MTOR: variants seen among roughly 807,000 people sequenced by gnomAD.
MTOR encodes serine/threonine-protein kinase mTOR.
A neutral mutation model predicts 319.8 loss-of-function variants in MTOR; 70 were observed. The ratio of observed to expected loss-of-function variants is 0.22; its 90% CI spans 0.18 to 0.27. The LOEUF is 0.27. Ranked by LOEUF, MTOR falls within the 10% of genes least tolerant of loss-of-function variation. The probability of loss-of-function intolerance (pLI) is 1.00; values close to 1 mark genes in which losing one functional copy is unlikely to be tolerated. For missense variants in MTOR, 1,890 were observed against 3,274.4 expected, an observed-to-expected ratio of 0.58 and a Z score of 10.32; for synonymous variants, 1,183 against 1,211.4, an observed-to-expected ratio of 0.98 and a Z score of 0.49.
At chr1:11,231,532 C>T in intron 16 of MTOR, 98 bp from the exon 17 acceptor site, 2 of 1,440,852 alleles carry the variant, frequency 1.4e-6, no homozygotes, top group Admixed American at 2.3e-5. Flanking sequence ...GTGTTAGAGG[C>T]TGTAAGAAGA....
At chr1:11,202,863 G>A (rs767934698) in intron 26 of MTOR, among the ~76,000 whole-genome samples, 7 of 152,024 alleles carry the variant, frequency 4.6e-5, no homozygotes, top group African/African-American at 7.2e-5. Flanking sequence ...AGCCGAGATC[G>A]TCCCACTGCA....
chr1:11,160,261 A>C (rs753509645), intron 29 of MTOR, among the ~76,000 whole-genome samples: 2 of 151,988 alleles, frequency 1.3e-5, no homozygotes, highest in Non-Finnish European at 2.9e-5. Flanking sequence ...CCACCATGCC[A>C]GGCTAATTTT....
At position 11,128,069 on chromosome 1, in the gene MTOR, C is replaced by T. The variant is rs2100413655; in HGVS notation, c.5968G>A (p.Ala1990Thr). The T allele has an allele frequency of 6.2e-7, 1 of 1,614,150 alleles. No homozygotes were observed. Among genetic ancestry groups the T allele is most frequent in the Non-Finnish European group, 8.5e-7 (1 of 1,180,046 alleles). Residue 1990 changes from alanine to threonine, a missense_variant, in exon 43 of 58, where the codon GCA becomes ACA. Physicochemically the swap from Ala to Thr is moderately conservative, Grantham distance 58. Transcript: ENST00000361445. This position sits in a 1 kb window ranked among gnomAD's most constrained non-coding sequence, Gnocchi z 5.3. ...ATGTTCTTCAGAATCTTGTTGGCTGCATTGTGCCGGGCTGTCGTGGTAGAC... is the reference window on the plus strand; with the variant it reads ...ATGTTCTTCAGAATCTTGTTGGCTGTATTGTGCCGGGCTGTCGTGGTAGAC... ...SKSTTTARHN[A>T]ANKILKNMCE...
chr1:11,180,271 G>A (rs1038835198), intron 28 of MTOR, among the ~76,000 whole-genome samples: 2 of 152,116 alleles, frequency 1.3e-5, no homozygotes, highest in Non-Finnish European at 2.9e-5. Flanking sequence ...TCCAGCAGAG[G>A]TACAGAAAAA....
chr1:11,130,810 G>C (rs1643111586), intron 38 of MTOR, 33 bp from the exon 39 acceptor site: 1 of 1,546,436 alleles, frequency 6.5e-7, no homozygotes, highest in African/African-American at 1.4e-5. Flanking sequence ...ACAGACACTG[G>C]AGCTGTGACC....
intron 13 of MTOR, among the ~76,000 whole-genome samples, chr1:11,236,509 GTTT>G (rs1182732565): frequency 1.6e-5 from 2 of 124,012 alleles, no homozygotes; most frequent in African/African-American, 3.0e-5. Context: ...GTGATTTCAC[GTTT>G]TTTTTTTTTT....
intron 28 of MTOR, among the ~76,000 whole-genome samples, chr1:11,198,557 C>G (rs535600790): frequency 6.6e-6 from 1 of 152,256 alleles, no homozygotes; most frequent in East Asian, 1.9e-4. Context: ...AATGACCGAC[C>G]ATTTAGCATT....
At chr1:11,251,283 C>T (rs561588015) in intron 6 of MTOR, among the ~76,000 whole-genome samples, 6 of 152,318 alleles carry the variant, frequency 3.9e-5, no homozygotes, top group East Asian at 1.9e-4. Context: ...TACACCAGCA[C>T]GCTCCTGCCT....
In MTOR at chr1:11,201,775, A is replaced by G. The variant is rs150428183; in HGVS notation, c.3945-2072T>C. ...ATTTTATTTACTTACATTATATTATAAATCTTTCACATGCATTAGAAGTTT... is the reference window on the plus strand; with the variant it reads ...ATTTTATTTACTTACATTATATTATGAATCTTTCACATGCATTAGAAGTTT... On this transcript the variant is annotated intron_variant, in intron 26 of 57. Coordinates refer to ENST00000361445, the MANE Select transcript of MTOR (RefSeq NM_004958.4). 2.3e-3 allele frequency among the ~76,000 whole-genome samples: 357 copies of G among 152,294 alleles called. 6 individuals carry two copies. Among genetic ancestry groups the G allele is most frequent in the African/African-American group, 8.1e-3 (336 of 41,556 alleles).
chr1:11,202,743 G>A (rs1053061492), intron 26 of MTOR, among the ~76,000 whole-genome samples: 8 of 151,738 alleles, frequency 5.3e-5, no homozygotes, highest in South Asian at 2.1e-4. Flanking sequence ...GTGAGACCTC[G>A]TCTCTACAAA....
rs1302883324 is a variant in MTOR, at chr1:11,121,165, G to C, written c.6933+81C>G. 1.3e-6 allele frequency: 2 copies of C among 1,576,364 alleles called. No homozygotes were observed. Among genetic ancestry groups the C allele is most frequent in the African/African-American group, 2.7e-5 (2 of 74,126 alleles). The stretch of plus-strand genomic sequence containing the variant: ...TCACAGCAAAGAAGAGCCGCTGTGT[G>C]CACATGAACAGATGGGAGGGCCATC... On this transcript the variant is annotated intron_variant, in intron 49 of 57. Transcript: ENST00000361445. The surrounding 1 kb of genome is among the most constrained non-coding windows in gnomAD (Gnocchi z 4.9).
rs373386502 is a variant in MTOR at position 11,108,466 on chromosome 1, C to A, written c.7529-180G>T. Among the ~76,000 whole-genome samples the A allele has an allele frequency of 7.6e-3, 1,150 of 151,494 alleles. 16 individuals are homozygous for A. Among genetic ancestry groups the A allele is most frequent in the African/African-American group, 0.026 (1,090 of 41,298 alleles). ...CGGTGGCTCACGCCTGTAATCCCAG[C>A]ACTTTAGGAGGCTGAGGCAGGCAGA... On this transcript the variant is annotated intron_variant, in intron 56 of 57. Coordinates refer to ENST00000361445, the MANE Select transcript of MTOR (RefSeq NM_004958.4).
chr1:11,224,987 T>C lies in MTOR; in HGVS notation c.3030+3681A>G, dbSNP rs79484396. 8.0e-3 allele frequency among the ~76,000 whole-genome samples: 1,215 copies of C among 152,198 alleles called. 20 individuals carry two copies. Among genetic ancestry groups the C allele is most frequent in the African/African-American group, 0.027 (1,125 of 41,514 alleles). On this transcript the variant is annotated intron_variant, in intron 19 of 57. Transcript: ENST00000361445. ...ATTCTATGACACCAATTACATGAAA[T>C]GCCCAGAAAAAGTAAATCTATAGAG... is the stretch of plus-strand genomic sequence containing the variant.
intron 6 of MTOR, among the ~76,000 whole-genome samples, chr1:11,252,048 C>G (rs919014983): frequency 1.5e-4 from 23 of 152,218 alleles, no homozygotes; most frequent in Middle Eastern, 3.4e-3. Context: ...CCTTAGTATC[C>G]ATGGGGGTTG....
Position 11,126,666 on chromosome 1 carries a change from T to C in MTOR, c.6482A>G (p.Gln2161Arg). ...GGGCCTCTGCTTGGATGTGATGACT[T>C]GCAAAGACGGTGCTATGGACTGAAT... is the stretch of plus-strand genomic sequence containing the variant. Reference protein sequence around the residue: ...IRIQSIAPSLQVITSKQRPRK... With the variant: ...IRIQSIAPSLRVITSKQRPRK... The change falls in exon 46 of 58, where the codon CAA (glutamine) becomes CGA (arginine). Residue 2161 changes from glutamine to arginine, a missense_variant. Transcript: ENST00000361445. 1.2e-6 allele frequency: 2 copies of C among 1,613,962 alleles called. No homozygotes were observed. The highest frequency in any genetic ancestry group is 1.7e-6 in the Non-Finnish European group (2 of 1,180,006).
At chr1:11,207,236 G>A (rs1405762031) in intron 25 of MTOR, among the ~76,000 whole-genome samples, 5 of 151,904 alleles carry the variant, frequency 3.3e-5, no homozygotes, top group African/African-American at 1.2e-4. Flanking sequence ...CGAGTAGCTG[G>A]GACTACAGGC....
Position 11,107,432 on chromosome 1 carries a change from AC to A in MTOR, c.*52del. ...TGGTTTCAGTTTAGTGGAAGCATTT[AC>A]TAAAGTACAAAAGCCTCAGAAAAAA... On this transcript the variant is annotated 3_prime_UTR_variant, in exon 58 of 58. Transcript: ENST00000361445. 6.3e-7 allele frequency: 1 copy of A among 1,586,546 alleles called. No individual in the cohort carries two copies.
At chr1:11,238,140 GGA>G in intron 12 of MTOR, 92 bp from the exon 13 acceptor site, 1 of 1,260,396 alleles carries the variant, frequency 7.9e-7, no homozygotes, top group Non-Finnish European at 1.1e-6. Flanking sequence ...CAGCGTAGTG[GGA>G]AGATTCCAGA....
intron 24 of MTOR, among the ~76,000 whole-genome samples, chr1:11,210,440 C>A (rs1003977363): frequency 6.6e-6 from 1 of 152,176 alleles, no homozygotes; most frequent in African/African-American, 2.4e-5. Context: ...CAGCCCTCTG[C>A]CTGTTTTTAT....
Sources: allele counts gnomAD v4.1 joint callset (sites outside exome capture counted in the v4.1 genomes callset), GRCh38; gene constraint gnomAD v4.1.1; non-coding constraint Gnocchi (gnomAD v3.1); transcripts MANE v1.5; gene names NCBI Gene and HGNC (gene_info 2026-07-23, HGNC 2026-07-21).